CHD1L: variants seen among roughly 807,000 people sequenced by gnomAD.
CHD1L encodes the protein chromodomain helicase DNA binding protein 1 like.
CHD1L carries 118 observed loss-of-function variants against 115.9 expected under a neutral mutation model. The observed-to-expected ratio is 1.02, with a 90% confidence interval of 0.88 to 1.19. The LOEUF is 1.19. CHD1L is among the 50% of genes most tolerant of loss of function. The pLI, the probability that CHD1L is intolerant of heterozygous loss-of-function variation, is 0.00. For synonymous variants in CHD1L, 411 were observed against 387.1 expected, an observed-to-expected ratio of 1.06 and a Z score of -0.72; for missense variants, 1,179 against 1,065.3, an observed-to-expected ratio of 1.11 and a Z score of -1.49.
At chr1:147,228,305 C>A in the CHD1L span, among the ~76,000 whole-genome samples, 1 of 151,990 alleles carries the variant, frequency 6.6e-6, no homozygotes, top group Non-Finnish European at 1.5e-5. Context: ...TGATGGTTTC[C>A]AGCTTTATCC....
chr1:147,201,840 G>T, the CHD1L span, among the ~76,000 whole-genome samples: 1 of 152,300 alleles, frequency 6.6e-6, no homozygotes, highest in South Asian at 2.1e-4. Context: ...ATACCAAGAA[G>T]TCTGACAGAA....
the CHD1L span, among the ~76,000 whole-genome samples, chr1:147,235,407 C>T: frequency 1.3e-5 from 2 of 152,122 alleles, no homozygotes; most frequent in South Asian, 4.1e-4. Flanking sequence ...TTTACAACAG[C>T]ATTATAGGAT....
the CHD1L span, chr1:147,208,736 G>T: frequency 1.2e-6 from 1 of 816,526 alleles, no homozygotes; most frequent in Non-Finnish European, 2.0e-6. Context: ...ACCATGCCCA[G>T]CCACTGTGGG....
chr1:147,293,482 G>A (rs1686367044), intron 20 of CHD1L, 126 bp from the exon 21 acceptor site: 1 of 703,068 alleles, frequency 1.4e-6, no homozygotes, highest in East Asian at 2.5e-5. Flanking sequence ...TTCAGGCATA[G>A]CATCCGAAAG....
At chr1:147,233,422 G>A in the CHD1L span, among the ~76,000 whole-genome samples, 3 of 43,526 alleles carry the variant, frequency 6.9e-5, no homozygotes, top group East Asian at 2.4e-3. Context: ...GGAGGGAGGT[G>A]GGGGGTCAGC....
intron 18 of CHD1L, 108 bp downstream of exon 18, chr1:147,286,608 TAC>T (rs147488881): frequency 0.22 from 204,749 of 934,720 alleles, 24,844 homozygotes; most frequent in South Asian, 0.26. Context: ...TGTAGTATTG[TAC>T]AGTCAAAAAA....
At position 147,267,513 on chromosome 1, in the gene CHD1L, T is replaced by C. The variant is rs373036183; in HGVS notation, c.983T>C (p.Phe328Ser). Residue 328 changes from phenylalanine (F) to serine (S), a missense_variant, in exon 9 of 23, where the codon TTT becomes TCT. Phe to Ser is a radical substitution (Grantham distance 155). Coordinates refer to ENST00000369258, the MANE Select transcript of CHD1L (RefSeq NM_004284.6). ...LRKCVDHPYL[F>S]DGVEPEPFEV... ...AAGTGTGTGGATCACCCATATTTGT[T>C]TGATGGTGAGACAGTGCCTTTTCCC... 2 of 1,611,080 alleles carry C rather than the reference T, an allele frequency of 1.2e-6. No homozygotes were observed. Among genetic ancestry groups the C allele is most frequent in the Non-Finnish European group, 1.7e-6 (2 of 1,178,098 alleles).
the CHD1L span, among the ~76,000 whole-genome samples, chr1:147,235,258 T>A: frequency 1.4e-4 from 21 of 152,306 alleles, no homozygotes; most frequent in African/African-American, 4.8e-4. Flanking sequence ...AACTTCCAAT[T>A]TCTTAATTCT....
chr1:147,242,807 A>C lies in CHD1L; in HGVS notation c.104A>C (p.Asp35Ala). ...GAGGCGGCGCGGGTGCAGGAGCAGGACTTACGGCAGTGGGGGCTGACAGGT... is the reference window on the plus strand; with the variant it reads ...GAGGCGGCGCGGGTGCAGGAGCAGGCCTTACGGCAGTGGGGGCTGACAGGT... ...RAEAARVQEQ[D>A]LRQWGLTGIH... is the part of the protein sequence containing the mutation. The change falls in exon 1 of 23, where the codon GAC becomes GCC. Residue 35 changes from aspartate (D) to alanine (A), a missense_variant. Coordinates refer to ENST00000369258, the MANE Select transcript of CHD1L (RefSeq NM_004284.6). The C allele has an allele frequency of 2.3e-6, 3 of 1,277,846 alleles. No individual in the cohort carries two copies. Among genetic ancestry groups the C allele is most frequent in the Non-Finnish European group, 2.0e-6 (2 of 1,005,236 alleles). 79.2% of individuals were successfully genotyped at this position (1,277,846 alleles called of 1,614,324 possible).
intron 19 of CHD1L, among the ~76,000 whole-genome samples, chr1:147,289,796 G>A (rs59606861): frequency 0.1 from 15,972 of 152,264 alleles, 937 homozygotes; most frequent in East Asian, 0.15. Context: ...GGAGGATGGC[G>A]TACAGGCCAT....
At chr1:147,261,977 C>G (rs587629660) in intron 6 of CHD1L, among the ~76,000 whole-genome samples, 1 of 151,920 alleles carries the variant, frequency 6.6e-6, no homozygotes, top group African/African-American at 2.4e-5. Flanking sequence ...GGGTGGATCA[C>G]GAGGTCAGGA....
the CHD1L span, among the ~76,000 whole-genome samples, chr1:147,222,124 C>G: frequency 1.3e-5 from 2 of 152,200 alleles, no homozygotes; most frequent in Admixed American, 6.5e-5. Flanking sequence ...AATCCCCACA[C>G]CTTGGGAGGC....
chr1:147,213,520 T>G, the CHD1L span: 1 of 1,497,254 alleles, frequency 6.7e-7, no homozygotes, highest in Non-Finnish European at 9.0e-7. Flanking sequence ...ATGACTCTCC[T>G]TGCATAGTGT....
chr1:147,220,025 A>C, the CHD1L span, among the ~76,000 whole-genome samples: 2 of 151,998 alleles, frequency 1.3e-5, no homozygotes, highest in Non-Finnish European at 2.9e-5. Context: ...TTTTTAGTAG[A>C]GATGGGGTTT....
the CHD1L span, among the ~76,000 whole-genome samples, chr1:147,235,416 A>G: frequency 1.3e-5 from 2 of 152,168 alleles, no homozygotes; most frequent in African/African-American, 2.4e-5. Context: ...GCATTATAGG[A>G]TAGCTACTAT....
chr1:147,275,284 A>G (rs1553956539), intron 12 of CHD1L, 70 bp from the exon 13 acceptor site: 3 of 1,144,024 alleles, frequency 2.6e-6, no homozygotes, highest in Non-Finnish European at 4.0e-6. Context: ...GACCCACTCT[A>G]GCCTTGTGCT....
the CHD1L span, among the ~76,000 whole-genome samples, chr1:147,233,122 G>A: frequency 6.6e-6 from 1 of 151,826 alleles, no homozygotes; most frequent in Non-Finnish European, 1.5e-5. Context: ...CCCCATCTGG[G>A]ATGTGAGGAG....
At chr1:147,268,708 C>T in intron 9 of CHD1L, 74 bp from the exon 10 acceptor site, 6 of 1,232,850 alleles carry the variant, frequency 4.9e-6, no homozygotes, top group Non-Finnish European at 5.9e-6. Context: ...TTTGGCTTCT[C>T]TTCCTGTAGC....
Position 147,272,235 on chromosome 1 carries a change from C to T in CHD1L, c.1224C>T (p.Asn408=), listed in dbSNP as rs782343570. 1 of 1,614,168 alleles carries T rather than the reference C, an allele frequency of 6.2e-7. No individual in the cohort carries two copies. The highest frequency in any genetic ancestry group is 1.1e-5 in the South Asian group (1 of 91,084). ...RGEERHLAIK[N]FGQQPIFVFL... is the part of the protein sequence containing the mutation. ...AAGAGAGACACTTGGCCATTAAGAA[C>T]TTTGGACAGCAGCCCATTTTCGTTT... Residue 408 remains asparagine, a synonymous_variant, in exon 12 of 23, where the codon AAC becomes AAT. Coordinates refer to ENST00000369258, the MANE Select transcript of CHD1L (RefSeq NM_004284.6).
Sources: allele counts gnomAD v4.1 joint callset (sites outside exome capture counted in the v4.1 genomes callset), GRCh38; gene constraint gnomAD v4.1.1; transcripts MANE v1.5; gene names NCBI Gene and HGNC (gene_info 2026-07-23, HGNC 2026-07-21).